Variants in CHD9 observed in about 807,000 individuals in gnomAD.
The protein encoded by CHD9 is ATP-dependent chromatin remodeler CHD9.
CHD9 carries 77 observed loss-of-function variants against 316.1 expected under a neutral mutation model. The observed-to-expected ratio is 0.24, with a 90% CI of 0.20 to 0.29. The LOEUF is 0.29. CHD9 is among the 10% of genes least tolerant of loss of function. The pLI, the probability that CHD9 is intolerant of heterozygous loss-of-function variation, is 1.00. For synonymous variants in CHD9, 1,129 were observed against 1,158.3 expected (o/e 0.97, Z 0.51); for missense variants, 2,763 against 3,438.1 (o/e 0.80, Z 4.91).
chr16:53,247,539 G>C, intron 16 of CHD9, 36 bp downstream of exon 16: 1 of 1,375,308 alleles, frequency 7.3e-7, no homozygotes, highest in African/African-American at 1.4e-5. Context: ...ATTATGCTAA[G>C]TATATGCTAT....
intron 2 of CHD9, among the ~76,000 whole-genome samples, chr16:53,177,498 C>G (rs2043171198): frequency 6.6e-6 from 1 of 152,068 alleles, no homozygotes. Flanking sequence ...CTAGAAGGAG[C>G]CTTAATCATT....
At chr16:53,131,878 G>A (rs1374503305) in intron 1 of CHD9, among the ~76,000 whole-genome samples, 4 of 152,044 alleles carry the variant, frequency 2.6e-5, no homozygotes, top group African/African-American at 9.7e-5. Context: ...GCCTCTCCCC[G>A]TCTGCAGCGT....
chr16:53,069,403 A>G (rs2033811601), intron 1 of CHD9, among the ~76,000 whole-genome samples: 1 of 151,512 alleles, frequency 6.6e-6, no homozygotes, highest in Non-Finnish European at 1.5e-5. Context: ...CCAAGCTGAA[A>G]CTCTGTCCCC....
intron 1 of CHD9, among the ~76,000 whole-genome samples, chr16:53,124,307 A>G (rs56088754): frequency 0.29 from 43,629 of 151,822 alleles, 6,380 homozygotes; most frequent in African/African-American, 0.3. Flanking sequence ...AAGAAAAAGA[A>G]GTCTAATAGA....
intron 2 of CHD9, among the ~76,000 whole-genome samples, chr16:53,174,593 T>G (rs551961429): frequency 3.3e-5 from 5 of 152,038 alleles, no homozygotes; most frequent in Non-Finnish European, 5.9e-5. Context: ...CCCTTGTACT[T>G]TTAACCTATT....
chr16:53,227,445 C>G lies in CHD9; in HGVS notation c.2093C>G (p.Ser698Cys). 6.4e-7 allele frequency: 1 copy of G among 1,567,252 alleles called. No homozygotes were observed. The highest frequency in any genetic ancestry group is 1.2e-5 in the South Asian group (1 of 84,058). The change falls in exon 6 of 39, where the codon TCT (serine) becomes TGT (cysteine). Residue 698 changes from serine (S) to cysteine (C), a missense_variant. Physicochemically the swap from Ser to Cys is moderately radical, Grantham distance 112. This residue lies in a region of CHD9 where 859 missense variants were observed against 890.4 expected (regional missense o/e 0.96). Transcript: ENST00000447540. ...GCAATTGTAGACAAAATTCTATCTTCTAGAACCGTAAAAAAGGAAGTAAGT... is the reference window on the plus strand; with the variant it reads ...GCAATTGTAGACAAAATTCTATCTTGTAGAACCGTAAAAAAGGAAGTAAGT... Reference protein sequence around the residue: ...DAAIVDKILSSRTVKKEISPG... With the variant: ...DAAIVDKILSCRTVKKEISPG...
chr16:53,295,370 G>A (rs1269211318), intron 29 of CHD9, among the ~76,000 whole-genome samples: 6 of 152,102 alleles, frequency 3.9e-5, no homozygotes, highest in South Asian at 2.1e-4. Context: ...CAAGTGGTCC[G>A]TCTGCCTCAG....
At chr16:53,262,914 T>C in intron 19 of CHD9, 73 bp from the exon 20 acceptor site, 1 of 1,171,812 alleles carries the variant, frequency 8.5e-7, no homozygotes, top group South Asian at 1.3e-5. Flanking sequence ...CTATCCATAG[T>C]AAATGTGAGG....
intron 2 of CHD9, among the ~76,000 whole-genome samples, chr16:53,196,596 T>C (rs1385061868): frequency 6.6e-6 from 1 of 152,202 alleles, no homozygotes; most frequent in East Asian, 1.9e-4. Context: ...TTTGATTTAA[T>C]CGTAAGATTC....
chr16:53,256,436 A>G (rs1157790071), intron 19 of CHD9, among the ~76,000 whole-genome samples: 1 of 120,392 alleles, frequency 8.3e-6, no homozygotes, highest in East Asian at 2.3e-4. Context: ...CACAGGCTGG[A>G]GTACAGTGGC....
chr16:53,171,360 A>G (rs1040438337), intron 2 of CHD9, among the ~76,000 whole-genome samples: 5 of 152,070 alleles, frequency 3.3e-5, no homozygotes, highest in Admixed American at 2.0e-4. Context: ...CAGAGCTTGC[A>G]GTGATCCGAG....
At chr16:53,321,837 A>G (rs2057287862) in intron 38 of CHD9, among the ~76,000 whole-genome samples, 1 of 152,152 alleles carries the variant, frequency 6.6e-6, no homozygotes, top group Admixed American at 6.6e-5. Context: ...TTGTTTTTAC[A>G]TTAACCTCTA....
chr16:53,154,390 A>G (rs2041355284), intron 1 of CHD9, among the ~76,000 whole-genome samples: 1 of 152,176 alleles, frequency 6.6e-6, no homozygotes, highest in African/African-American at 2.4e-5. Context: ...TCATTGTATC[A>G]AGTATGTAGG....
intron 1 of CHD9, chr16:53,131,311 AGCC>A (rs541900602): frequency 7.4e-4 from 92 of 123,936 alleles, no homozygotes; most frequent in East Asian, 1.1e-3. Flanking sequence ...GAGTACGTGC[AGCC>A]GCCGCCGCCG....
Position 53,295,973 on chromosome 16 carries a change from A to G in CHD9, c.5511-983A>G, listed in dbSNP as rs146215871. ...CATTTCATAATCTGACCCAAACCCT[A>G]TATGGCTTTGTCTCCAGTATAAGCC... is the stretch of plus-strand genomic sequence containing the variant. On this transcript the variant is annotated intron_variant, in intron 29 of 38. Transcript: ENST00000447540. 2.0e-5 allele frequency among the ~76,000 whole-genome samples: 3 copies of G among 152,318 alleles called. No individual in the cohort carries two copies. The East Asian group carries it at 5.8e-4, about 29-fold the overall frequency.
chr16:53,229,891 A>G (rs921561473), intron 8 of CHD9, among the ~76,000 whole-genome samples: 9 of 152,142 alleles, frequency 5.9e-5, no homozygotes, highest in African/African-American at 2.2e-4. Context: ...CAGACCTTAC[A>G]CATATTTCAC....
intron 3 of CHD9, among the ~76,000 whole-genome samples, chr16:53,215,465 C>A (rs1473597115): frequency 1.3e-5 from 2 of 152,050 alleles, no homozygotes; most frequent in Non-Finnish European, 2.9e-5. Context: ...GCTTGTTTTT[C>A]TAAGATGAGT....
chr16:53,237,598 C>T (rs1252645853), intron 11 of CHD9, among the ~76,000 whole-genome samples: 2 of 151,956 alleles, frequency 1.3e-5, no homozygotes, highest in African/African-American at 2.4e-5. Context: ...TGCTCATTCA[C>T]TGTGCTCTCT....
intron 3 of CHD9, among the ~76,000 whole-genome samples, chr16:53,212,303 G>A (rs2046394530): frequency 6.6e-6 from 1 of 152,032 alleles, no homozygotes; most frequent in Non-Finnish European, 1.5e-5. Context: ...TACTCGGGAG[G>A]CTGAGGCAGG....
Sources: gnomAD v4.1 joint callset for allele counts (sites outside exome capture counted in the v4.1 genomes callset) on GRCh38, gnomAD v4.1.1 for gene constraint, gnomAD v4.1.1 regional missense constraint, MANE v1.5 for transcripts, NCBI Gene and HGNC (gene_info 2026-07-23, HGNC 2026-07-21) for gene names.